Variants in SEMA3E observed in about 807,000 individuals in gnomAD.
The protein encoded by SEMA3E is semaphorin 3E.
A neutral mutation model predicts 93.6 loss-of-function variants in SEMA3E; 49 were observed. The observed-to-expected ratio is 0.52, with a 90% confidence interval of 0.42 to 0.66. The LOEUF is 0.66. Among genes scored for constraint, SEMA3E ranks in the 30% least tolerant of loss-of-function variants. The probability of loss-of-function intolerance (pLI) is 0.00; values close to 1 mark genes in which losing one functional copy is unlikely to be tolerated. For missense variants in SEMA3E, 906 were observed against 964.8 expected (o/e 0.94, Z 0.81); for synonymous variants, 363 against 330.7 (o/e 1.10, Z -1.06).
intron 12 of SEMA3E, among the ~76,000 whole-genome samples, chr7:83,395,297 T>C (rs1296485062): frequency 6.6e-6 from 1 of 152,130 alleles, no homozygotes; most frequent in Non-Finnish European, 1.5e-5. Flanking sequence ...GTGGTTAGCT[T>C]TGAGTGTGGC....
intron 1 of SEMA3E, among the ~76,000 whole-genome samples, chr7:83,578,222 T>A (rs1017941354): frequency 6.6e-6 from 1 of 152,142 alleles, no homozygotes; most frequent in Non-Finnish European, 1.5e-5. Context: ...TGATATTTAA[T>A]TTGGCTTAAT....
At chr7:83,494,229 T>C (rs745385303) in intron 1 of SEMA3E, among the ~76,000 whole-genome samples, 4 of 151,126 alleles carry the variant, frequency 2.6e-5, no homozygotes, top group Non-Finnish European at 5.9e-5. Context: ...TTAAAATGAA[T>C]CCCAAATTTG....
chr7:83,403,221 T>A (rs970927744), intron 9 of SEMA3E, among the ~76,000 whole-genome samples: 7 of 152,032 alleles, frequency 4.6e-5, no homozygotes, highest in African/African-American at 1.7e-4. Context: ...TCTATTAAGA[T>A]GTATTAAGTT....
chr7:83,492,138 C>A (rs1328204025), intron 1 of SEMA3E, among the ~76,000 whole-genome samples: 1 of 151,958 alleles, frequency 6.6e-6, no homozygotes, highest in Non-Finnish European at 1.5e-5. Context: ...AGGATGGTTA[C>A]GCACTAGCTT....
intron 4 of SEMA3E, among the ~76,000 whole-genome samples, chr7:83,435,939 T>C (rs1049609116): frequency 6.6e-5 from 10 of 152,172 alleles, no homozygotes; most frequent in African/African-American, 2.4e-4. Context: ...AAAGTCAATA[T>C]TCAACTTTAA....
chr7:83,584,702 C>G (rs1194802303), intron 1 of SEMA3E, among the ~76,000 whole-genome samples: 2 of 151,962 alleles, frequency 1.3e-5, no homozygotes, highest in Non-Finnish European at 2.9e-5. Flanking sequence ...GTAATATTGA[C>G]AATAGATGTA....
At chr7:83,461,504 G>T (rs910306883) in intron 4 of SEMA3E, among the ~76,000 whole-genome samples, 3 of 152,088 alleles carry the variant, frequency 2.0e-5, no homozygotes, top group Non-Finnish European at 2.9e-5. Flanking sequence ...CTCTTAAAAA[G>T]GTGGCTGGAG....
chr7:83,546,882 A>G (rs1289149598), intron 1 of SEMA3E, among the ~76,000 whole-genome samples: 1 of 152,172 alleles, frequency 6.6e-6, no homozygotes, highest in Non-Finnish European at 1.5e-5. Flanking sequence ...ATCCTACATC[A>G]AAATTTTATT....
chr7:83,554,718 T>C (rs555807662), intron 1 of SEMA3E, among the ~76,000 whole-genome samples: 1 of 152,346 alleles, frequency 6.6e-6, no homozygotes, highest in African/African-American at 2.4e-5. Context: ...GGCTCACTAC[T>C]GTAATCCCAG....
At chr7:83,564,664 G>C (rs1310317347) in intron 1 of SEMA3E, among the ~76,000 whole-genome samples, 1 of 152,106 alleles carries the variant, frequency 6.6e-6, no homozygotes, top group Non-Finnish European at 1.5e-5. Context: ...AGATACATGG[G>C]AGTAGAAACT....
chr7:83,431,640 G>C (rs1370859103), intron 4 of SEMA3E, among the ~76,000 whole-genome samples: 1 of 151,374 alleles, frequency 6.6e-6, no homozygotes, highest in Non-Finnish European at 1.5e-5. Flanking sequence ...CTGACCTCAA[G>C]TGATCCACCC....
chr7:83,381,731 G>A (rs893870521), intron 16 of SEMA3E, among the ~76,000 whole-genome samples: 33 of 152,018 alleles, frequency 2.2e-4, no homozygotes, highest in African/African-American at 6.7e-4. Context: ...ATTAGATGGA[G>A]TACTCTGTAT....
chr7:83,629,494 G>A (rs1044626254), intron 1 of SEMA3E, among the ~76,000 whole-genome samples: 5 of 152,190 alleles, frequency 3.3e-5, no homozygotes, highest in African/African-American at 4.8e-5. Flanking sequence ...CCTGCCCAGA[G>A]AGGAGGAATC....
chr7:83,448,436 TAGG>T (rs1789283167), intron 4 of SEMA3E, among the ~76,000 whole-genome samples: 1 of 152,208 alleles, frequency 6.6e-6, no homozygotes, highest in East Asian at 1.9e-4. Flanking sequence ...CTCTTGAGGC[TAGG>T]AGTTCAGGGC....
At chr7:83,530,477 A>G (rs1791265691) in intron 1 of SEMA3E, among the ~76,000 whole-genome samples, 1 of 152,216 alleles carries the variant, frequency 6.6e-6, no homozygotes, top group Non-Finnish European at 1.5e-5. Context: ...GGTTAAACAA[A>G]TCACTGAAGA....
Position 83,577,331 on chromosome 7 carries a change from G to A in SEMA3E, c.115+71097C>T, listed in dbSNP as rs574551152. Among the ~76,000 whole-genome samples the A allele has an allele frequency of 2.0e-5, 3 of 152,172 alleles. No individual in the cohort carries two copies. The South Asian group carries it at 6.2e-4, about 32-fold the overall frequency. ...ATGTTGCATGTTTTCCCTTCGTTTT[G>A]AAAGTTTATGCTTTCAATAATCATT... On this transcript the variant is annotated intron_variant, in intron 1 of 16. Transcript: ENST00000643230.
At chr7:83,629,144 A>C (rs1793735066) in intron 1 of SEMA3E, among the ~76,000 whole-genome samples, 1 of 152,116 alleles carries the variant, frequency 6.6e-6, no homozygotes, top group Admixed American at 6.5e-5. Flanking sequence ...GAGGCTGCAA[A>C]ACAGCAAAGA....
intron 4 of SEMA3E, among the ~76,000 whole-genome samples, chr7:83,460,196 G>A (rs1230216393): frequency 1.3e-5 from 2 of 152,122 alleles, no homozygotes; most frequent in Non-Finnish European, 2.9e-5. Context: ...TGCTCCATGA[G>A]AAAGATCCAC....
chr7:83,550,922 T>C (rs1169328149), intron 1 of SEMA3E, among the ~76,000 whole-genome samples: 1 of 152,066 alleles, frequency 6.6e-6, no homozygotes, highest in Non-Finnish European at 1.5e-5. Context: ...TCAATACACA[T>C]ATAAAAAGTT....
Sources: gnomAD v4.1 joint callset for allele counts (sites outside exome capture counted in the v4.1 genomes callset) on GRCh38, gnomAD v4.1.1 for gene constraint, MANE v1.5 for transcripts, NCBI Gene and HGNC (gene_info 2026-07-23, HGNC 2026-07-21) for gene names.